Variants in RNF216 observed in about 807,000 individuals in gnomAD.
RNF216 encodes E3 ubiquitin-protein ligase RNF216.
RNF216 carries 72 observed loss-of-function variants against 110.8 expected under a neutral mutation model. The ratio of observed to expected loss-of-function variants is 0.65; its 90% CI spans 0.54 to 0.79. RNF216 has a LOEUF of 0.79. Ranked by LOEUF, RNF216 falls within the 30% of genes least tolerant of loss-of-function variation. RNF216 has a pLI of 0.00. For missense variants in RNF216, 1,342 were observed against 1,141.2 expected, an observed-to-expected ratio of 1.18 and a Z score of -2.54; for synonymous variants, 495 against 407.5, an observed-to-expected ratio of 1.21 and a Z score of -2.59.
At chr7:5,633,726 C>T (rs1787222608) in intron 15 of RNF216, among the ~76,000 whole-genome samples, 1 of 152,178 alleles carries the variant, frequency 6.6e-6, no homozygotes. Flanking sequence ...GGCTTGCTGC[C>T]TGCTGCATGC....
chr7:5,641,818 T>C (rs1787749478), intron 14 of RNF216, among the ~76,000 whole-genome samples: 1 of 151,990 alleles, frequency 6.6e-6, no homozygotes, highest in African/African-American at 2.4e-5. Flanking sequence ...GAAGATCATT[T>C]GAGCTCAGGA....
intron 2 of RNF216, among the ~76,000 whole-genome samples, chr7:5,755,368 AT>A (rs1428339533): frequency 6.6e-6 from 1 of 152,194 alleles, no homozygotes; most frequent in African/African-American, 2.4e-5. Context: ...TTAAAAAAAA[AT>A]TGAAAGAATA....
chr7:5,643,651 T>G (rs1361670496), intron 14 of RNF216, among the ~76,000 whole-genome samples: 2 of 152,214 alleles, frequency 1.3e-5, no homozygotes. Context: ...TGAAGATGCA[T>G]GTGTGTATGC....
At chr7:5,757,477 C>G (rs1795705286) in intron 2 of RNF216, among the ~76,000 whole-genome samples, 2 of 151,704 alleles carry the variant, frequency 1.3e-5, no homozygotes, top group Admixed American at 1.3e-4. Flanking sequence ...TTTTTTAAAT[C>G]TTTATTTTAC....
At chr7:5,751,295 G>T (rs1433175071) in intron 3 of RNF216, among the ~76,000 whole-genome samples, 1 of 152,180 alleles carries the variant, frequency 6.6e-6, no homozygotes, top group Non-Finnish European at 1.5e-5. Flanking sequence ...ATGCCCGAAG[G>T]TTTGGTCAGG....
Position 5,707,559 on chromosome 7 carries a change from G to A in RNF216, c.2061+4202C>T, listed in dbSNP as rs1584485962. Among the ~76,000 whole-genome samples, 5 of 152,184 alleles carry A rather than the reference G, an allele frequency of 3.3e-5. No individual in the cohort carries two copies. The East Asian group carries it at 9.6e-4, about 29-fold the overall frequency. ...CAGATTTTTCTATGTATAAGATCAT[G>A]TTATCTGTGAACTTGCACGGATATA... is the stretch of plus-strand genomic sequence containing the variant. On this transcript the variant is annotated intron_variant, in intron 13 of 16. Coordinates refer to ENST00000389902, the MANE Select transcript of RNF216 (RefSeq NM_207111.4).
At chr7:5,641,567 A>G (rs1272940329) in intron 14 of RNF216, among the ~76,000 whole-genome samples, 191 bp from the exon 15 acceptor site, 1 of 152,110 alleles carries the variant, frequency 6.6e-6, no homozygotes, top group Non-Finnish European at 1.5e-5. Flanking sequence ...CCTTCAGTAA[A>G]TTACTCACCT....
At chr7:5,705,001 T>C (rs1356764767) in intron 13 of RNF216, among the ~76,000 whole-genome samples, 1 of 152,180 alleles carries the variant, frequency 6.6e-6, no homozygotes, top group Non-Finnish European at 1.5e-5. Context: ...AAGATGTGAA[T>C]AAATGAAAAA....
chr7:5,747,476 G>A (rs906696906), intron 3 of RNF216, among the ~76,000 whole-genome samples: 4 of 152,218 alleles, frequency 2.6e-5, no homozygotes, highest in Non-Finnish European at 4.4e-5. Flanking sequence ...AATATCAGAC[G>A]TGACCCTTAG....
At chr7:5,746,836 GAA>G (rs1795053946) in intron 3 of RNF216, among the ~76,000 whole-genome samples, 1 of 152,152 alleles carries the variant, frequency 6.6e-6, no homozygotes, top group Non-Finnish European at 1.5e-5. Flanking sequence ...TGTTCCAGAT[GAA>G]AAAGAGTGTT....
At chr7:5,674,933 G>C (rs965654763) in intron 13 of RNF216, among the ~76,000 whole-genome samples, 1 of 151,802 alleles carries the variant, frequency 6.6e-6, no homozygotes, top group Non-Finnish European at 1.5e-5. Flanking sequence ...GGAGGTGGAG[G>C]TTGCAGTGAG....
intron 13 of RNF216, among the ~76,000 whole-genome samples, chr7:5,694,354 T>C (rs1274133923): frequency 6.6e-6 from 1 of 152,262 alleles, no homozygotes; most frequent in Admixed American, 6.5e-5. Flanking sequence ...GAATGACTTC[T>C]GAGTTAACTT....
At chr7:5,717,735 T>C (rs566045034) in intron 9 of RNF216, among the ~76,000 whole-genome samples, 17 of 152,270 alleles carry the variant, frequency 1.1e-4, no homozygotes, top group African/African-American at 3.4e-4. Flanking sequence ...CCAGGATGCA[T>C]GGTTAAATGA....
At chr7:5,692,714 G>A (rs912199525) in intron 13 of RNF216, among the ~76,000 whole-genome samples, 3 of 152,166 alleles carry the variant, frequency 2.0e-5, no homozygotes, top group Admixed American at 2.0e-4. Context: ...CACACCAGAA[G>A]AAATAGCTTG....
chr7:5,651,343 T>C (rs1246507761), intron 14 of RNF216, among the ~76,000 whole-genome samples: 1 of 151,588 alleles, frequency 6.6e-6, no homozygotes, highest in Non-Finnish European at 1.5e-5. Context: ...TCTCTTGCCT[T>C]AGCCTCCCAA....
intron 13 of RNF216, among the ~76,000 whole-genome samples, chr7:5,681,716 G>A (rs1402247995): frequency 6.6e-6 from 1 of 152,188 alleles, no homozygotes; most frequent in Non-Finnish European, 1.5e-5. Flanking sequence ...CAACTTACCA[G>A]ACCACACTGC....
chr7:5,721,315 TG>T, intron 8 of RNF216, 143 bp from the exon 9 acceptor site: 1 of 726,916 alleles, frequency 1.4e-6, no homozygotes, highest in South Asian at 2.0e-5. Flanking sequence ...TTCTACCATT[TG>T]GGAAGACTGG....
At chr7:5,749,098 G>C (rs1584567153) in intron 3 of RNF216, among the ~76,000 whole-genome samples, 1 of 151,194 alleles carries the variant, frequency 6.6e-6, no homozygotes, top group Admixed American at 6.6e-5. Flanking sequence ...TTTTTGGTAA[G>C]TAAGACCATT....
chr7:5,629,194 C>CAA (rs112745079), intron 15 of RNF216, among the ~76,000 whole-genome samples: 33 of 82,940 alleles, frequency 4.0e-4, no homozygotes, highest in South Asian at 1.2e-3. Flanking sequence ...GACTCTGTCT[C>CAA]AAAAAAAAAA....
Sources: gnomAD v4.1 joint callset for allele counts (sites outside exome capture counted in the v4.1 genomes callset) on GRCh38, gnomAD v4.1.1 for gene constraint, MANE v1.5 for transcripts, NCBI Gene and HGNC (gene_info 2026-07-23, HGNC 2026-07-21) for gene names.